Variants in MAGI1 observed in about 807,000 individuals in gnomAD.
The protein encoded by MAGI1 is membrane associated guanylate kinase, WW and PDZ domain containing 1.
A neutral mutation model predicts 139.9 loss-of-function variants in MAGI1; 58 were observed. The ratio of observed to expected loss-of-function variants is 0.41; its 90% CI spans 0.34 to 0.52. The LOEUF is 0.52. Ranked by LOEUF, MAGI1 falls within the 20% of genes least tolerant of loss-of-function variation. The pLI, the probability that MAGI1 is intolerant of heterozygous loss-of-function variation, is 0.12. For missense variants in MAGI1, 1,874 were observed against 1,901.6 expected (o/e 0.99, Z 0.27); for synonymous variants, 812 against 737.9 (o/e 1.10, Z -1.63).
chr3:65,837,183 G>A (rs527509457), intron 1 of MAGI1, among the ~76,000 whole-genome samples: 1 of 152,252 alleles, frequency 6.6e-6, no homozygotes, highest in Non-Finnish European at 1.5e-5. Context: ...TCAGCTCCAA[G>A]AAGACACAGG....
chr3:65,848,008 G>A (rs2059067734), intron 1 of MAGI1, among the ~76,000 whole-genome samples: 1 of 152,134 alleles, frequency 6.6e-6, no homozygotes, highest in Admixed American at 6.5e-5. Flanking sequence ...CAACATTTTG[G>A]TTGATCTTGG....
chr3:65,364,352 C>T (rs1413230486), intron 20 of MAGI1, among the ~76,000 whole-genome samples: 1 of 152,006 alleles, frequency 6.6e-6, no homozygotes, highest in East Asian at 1.9e-4. Flanking sequence ...AAGACATTTT[C>T]TTGGCAGAAG....
chr3:65,705,364 G>A (rs2030017038), intron 1 of MAGI1, among the ~76,000 whole-genome samples: 1 of 152,058 alleles, frequency 6.6e-6, no homozygotes, highest in South Asian at 2.1e-4. Context: ...ATTAAATACA[G>A]AGTATCTTAG....
intron 1 of MAGI1, among the ~76,000 whole-genome samples, chr3:65,734,559 AAG>A (rs979511598): frequency 7.2e-6 from 1 of 138,368 alleles, no homozygotes; most frequent in Non-Finnish European, 1.6e-5. Context: ...GAGAGAAAGA[AAG>A]AGAGAGAGGG....
At chr3:65,358,142 C>A (rs930876006) in intron 22 of MAGI1, among the ~76,000 whole-genome samples, 1 of 152,064 alleles carries the variant, frequency 6.6e-6, no homozygotes, top group African/African-American at 2.4e-5. Context: ...GCAGGGCAGC[C>A]CATAATGGCC....
chr3:65,475,048 TA>T (rs1252765589), intron 4 of MAGI1, among the ~76,000 whole-genome samples: 1 of 151,796 alleles, frequency 6.6e-6, no homozygotes, highest in African/African-American at 2.4e-5. Context: ...TATCACTCTC[TA>T]CCAACAAAAA....
At chr3:65,502,125 A>T (rs1284052509) in intron 2 of MAGI1, among the ~76,000 whole-genome samples, 1 of 152,218 alleles carries the variant, frequency 6.6e-6, no homozygotes, top group Non-Finnish European at 1.5e-5. Flanking sequence ...CAAAACCCAT[A>T]GCGCACACCA....
intron 13 of MAGI1, among the ~76,000 whole-genome samples, chr3:65,399,553 C>T (rs1326214931): frequency 1.3e-5 from 2 of 152,162 alleles, no homozygotes; most frequent in Admixed American, 6.5e-5. Flanking sequence ...AAGCTGGGGG[C>T]TTATTATTTT....
intron 2 of MAGI1, among the ~76,000 whole-genome samples, chr3:65,518,341 A>T (rs1197043254): frequency 6.6e-6 from 1 of 152,228 alleles, no homozygotes; most frequent in African/African-American, 2.4e-5. Context: ...CCATAATATT[A>T]ACATCATAAG....
intron 14 of MAGI1, among the ~76,000 whole-genome samples, chr3:65,384,213 T>G (rs1029434021): frequency 6.6e-6 from 1 of 152,242 alleles, no homozygotes; most frequent in Non-Finnish European, 1.5e-5. Flanking sequence ...CAAAAATTAC[T>G]CTAAAACATC....
chr3:65,589,836 T>C (rs1428709646), intron 2 of MAGI1, among the ~76,000 whole-genome samples: 1 of 137,418 alleles, frequency 7.3e-6, no homozygotes, highest in Non-Finnish European at 1.5e-5. Flanking sequence ...AGGGTGGTTT[T>C]CAAAAAAAAA....
chr3:65,533,349 C>T (rs71306770), intron 2 of MAGI1, among the ~76,000 whole-genome samples: 2,054 of 152,286 alleles, frequency 0.013, 19 homozygotes, highest in Middle Eastern at 0.031. Flanking sequence ...ATCTGCTCTT[C>T]TCATCACAGA....
At chr3:65,697,172 A>T (rs1221257150) in intron 1 of MAGI1, among the ~76,000 whole-genome samples, 1 of 152,098 alleles carries the variant, frequency 6.6e-6, no homozygotes, top group African/African-American at 2.4e-5. Flanking sequence ...AGACTAAACC[A>T]GGAAGAAGTT....
At chr3:65,991,668 G>C (rs942003482) in intron 1 of MAGI1, among the ~76,000 whole-genome samples, 1 of 152,144 alleles carries the variant, frequency 6.6e-6, no homozygotes, top group Non-Finnish European at 1.5e-5. Flanking sequence ...TTTTGATCTA[G>C]ATATCTTTCT....
At chr3:65,515,973 C>T (rs538631292) in intron 2 of MAGI1, among the ~76,000 whole-genome samples, 73 of 152,212 alleles carry the variant, frequency 4.8e-4, no homozygotes, top group Non-Finnish European at 8.8e-4. Flanking sequence ...TACAGGGGCA[C>T]AGGGAATTGA....
intron 1 of MAGI1, among the ~76,000 whole-genome samples, chr3:65,938,801 T>C (rs937631162): frequency 6.6e-6 from 1 of 152,168 alleles, no homozygotes; most frequent in Non-Finnish European, 1.5e-5. Context: ...ACCACATCAC[T>C]GAAATCATTT....
chr3:65,725,334 A>G (rs1408976469), intron 1 of MAGI1, among the ~76,000 whole-genome samples: 2 of 152,168 alleles, frequency 1.3e-5, no homozygotes, highest in East Asian at 3.9e-4. Flanking sequence ...CAGGGAGAGT[A>G]ATGGGACCTA....
intron 1 of MAGI1, among the ~76,000 whole-genome samples, chr3:65,752,088 C>T (rs780801201): frequency 2.0e-5 from 3 of 152,118 alleles, no homozygotes; most frequent in African/African-American, 4.8e-5. Flanking sequence ...GGACTACAGG[C>T]GCAACTCACA....
At chr3:65,676,523 C>T (rs2087201888) in intron 1 of MAGI1, among the ~76,000 whole-genome samples, 1 of 152,100 alleles carries the variant, frequency 6.6e-6, no homozygotes, top group South Asian at 2.1e-4. Context: ...AAGAAAAACA[C>T]TCCAATTAAA....
Sources: allele counts gnomAD v4.1 joint callset (sites outside exome capture counted in the v4.1 genomes callset), GRCh38; gene constraint gnomAD v4.1.1; transcripts MANE v1.5; gene names NCBI Gene and HGNC (gene_info 2026-07-23, HGNC 2026-07-21).